The following GCNT1 variants were observed in gnomAD, a reference collection of about 807,000 sequenced individuals.
GCNT1 encodes the protein glucosaminyl (N-acetyl) transferase 1.
A neutral mutation model predicts 26.2 loss-of-function variants in GCNT1; 16 were observed. That is an observed-to-expected ratio of 0.61 (90% CI 0.41 to 0.93). The LOEUF (loss-of-function observed/expected upper bound fraction) is 0.93. GCNT1 is among the 40% of genes least tolerant of loss of function. GCNT1 has a pLI of 0.00. For missense variants in GCNT1, 477 were observed against 526.7 expected, an observed-to-expected ratio of 0.91 and a Z score of 0.92; for synonymous variants, 183 against 190.8, an observed-to-expected ratio of 0.96 and a Z score of 0.34.
intron 2 of GCNT1, among the ~76,000 whole-genome samples, chr9:76,470,617 A>G (rs1468835179): frequency 6.6e-6 from 1 of 151,964 alleles, no homozygotes; most frequent in Non-Finnish European, 1.5e-5. Flanking sequence ...AAAAAAAAAA[A>G]AAAAAAATGC....
At chr9:76,430,414 C>T (rs986942091) in intron 1 of GCNT1, among the ~76,000 whole-genome samples, 23 of 152,104 alleles carry the variant, frequency 1.5e-4, no homozygotes, top group African/African-American at 5.3e-4. Flanking sequence ...CAGGGTTTCA[C>T]TCTGTTGCCC....
chr9:76,419,811 G>A (rs972100670), upstream of GCNT1: 3 of 152,168 alleles, frequency 2.0e-5, no homozygotes, highest in African/African-American at 7.2e-5. Flanking sequence ...TACTAAATAA[G>A]TTGAGCAGCC....
intron 1 of GCNT1, among the ~76,000 whole-genome samples, chr9:76,432,417 A>T (rs2131577359): frequency 6.6e-6 from 1 of 152,242 alleles, no homozygotes; most frequent in East Asian, 1.9e-4. Context: ...ATCATGGCTC[A>T]CTGCAGTCTC....
At chr9:76,397,483 A>G in the GCNT1 span, among the ~76,000 whole-genome samples, 1 of 149,696 alleles carries the variant, frequency 6.7e-6, no homozygotes, top group East Asian at 2.0e-4. Context: ...TCACTCTGTC[A>G]CTCAGGTTGG....
chr9:76,481,057 G>T (rs1196539557), intron 2 of GCNT1, among the ~76,000 whole-genome samples: 4 of 152,092 alleles, frequency 2.6e-5, no homozygotes, highest in African/African-American at 7.2e-5. Context: ...TGGCTAACAT[G>T]GTGAAACCCC....
chr9:76,503,419 C>T lies in GCNT1; in HGVS notation c.1038C>T (p.Asp346=), dbSNP rs758154602. 5.0e-6 allele frequency: 8 copies of T among 1,614,170 alleles called. No individual in the cohort carries two copies. The highest frequency in any genetic ancestry group is 1.7e-5 in the Admixed American group (1 of 60,010). ...CCAGCCATAAGTATGATCTGTCTGA[C>T]ATGCAAGCAGTTGCCAGGTTTGTCA... The part of the protein sequence containing the change: ...LPASHKYDLS[D]MQAVARFVKW... Residue 346 remains aspartate, a synonymous_variant, in exon 4 of 4, where the codon GAC becomes GAT. Coordinates refer to ENST00000376730, the MANE Select transcript of GCNT1 (RefSeq NM_001490.5).
upstream of GCNT1, among the ~76,000 whole-genome samples, chr9:76,415,161 G>C (rs1823121867): frequency 6.6e-6 from 1 of 152,054 alleles, no homozygotes; most frequent in African/African-American, 2.4e-5. Context: ...AGGCTCAGGT[G>C]ATACTTCCAC....
chr9:76,447,857 C>T (rs920968525), intron 1 of GCNT1, among the ~76,000 whole-genome samples: 4 of 152,222 alleles, frequency 2.6e-5, no homozygotes, highest in Non-Finnish European at 4.4e-5. Flanking sequence ...GTGTCCAGTA[C>T]GCCCTGACCC....
At chr9:76,436,847 G>A (rs1337505732), upstream of GCNT1, among the ~76,000 whole-genome samples, 9 of 152,100 alleles carry the variant, frequency 5.9e-5, no homozygotes, top group Admixed American at 5.9e-4. Flanking sequence ...TGAGGTAAGA[G>A]AGATTGTCAG....
chr9:76,451,952 T>TC (rs1475030858), intron 1 of GCNT1, among the ~76,000 whole-genome samples: 2 of 85,848 alleles, frequency 2.3e-5, no homozygotes, highest in Non-Finnish European at 4.9e-5. Context: ...TTCTTTCTTT[T>TC]TTTTTTTTTT....
At position 76,459,183 on chromosome 9, in the gene GCNT1, C is replaced by T. The variant is rs1325995088; in HGVS notation, c.-530C>T. On this transcript the variant is annotated 5_prime_UTR_variant, in exon 1 of 4. It adds an upstream start codon to the 5' untranslated region. Transcript: ENST00000376730. Reference sequence around the variant, plus strand: ...CTGGGGGCGGCCCCGGGGCGGGCCACGCTGGTGTGAGGGCTGCAGGCGCAG... The same window carrying T: ...CTGGGGGCGGCCCCGGGGCGGGCCATGCTGGTGTGAGGGCTGCAGGCGCAG... 1 of 152,332 alleles carries T rather than the reference C, an allele frequency of 6.6e-6. No individual in the cohort carries two copies. Among genetic ancestry groups the T allele is most frequent in the African/African-American group, 2.4e-5 (1 of 41,422 alleles). 9.4% of individuals were successfully genotyped at this position (152,332 alleles called of 1,614,324 possible).
chr9:76,489,171 T>A (rs1277481975), intron 2 of GCNT1, among the ~76,000 whole-genome samples: 2 of 152,170 alleles, frequency 1.3e-5, no homozygotes, highest in Non-Finnish European at 2.9e-5. Flanking sequence ...AGCCTCTATC[T>A]AGAGAGCACA....
In GCNT1 at chr9:76,426,174, T is replaced by A. The variant is rs140383393; in HGVS notation, n.38+6287T>A. On this transcript the variant is annotated intron_variant and non_coding_transcript_variant, in intron 1 of 3. Transcript: ENST00000488136. ...TTTCAAACTTAAACAATAAACTAAG[T>A]TCTCCCCAAAGTTAGTTCGTCCTGC... 2.6e-3 allele frequency among the ~76,000 whole-genome samples: 400 copies of A among 152,288 alleles called. 1 individual carries two copies. The highest frequency in any genetic ancestry group is 9.3e-3 in the African/African-American group (386 of 41,556).
chr9:76,487,291 A>T (rs575967926), intron 2 of GCNT1, among the ~76,000 whole-genome samples: 2 of 152,042 alleles, frequency 1.3e-5, no homozygotes, highest in Non-Finnish European at 2.9e-5. Flanking sequence ...GTCCTCCGAG[A>T]TACTGGCATG....
chr9:76,403,039 A>G, the GCNT1 span, among the ~76,000 whole-genome samples: 1 of 152,174 alleles, frequency 6.6e-6, no homozygotes, highest in Non-Finnish European at 1.5e-5. Flanking sequence ...GTACTAATAA[A>G]CAATTCTTAT....
the GCNT1 span, chr9:76,394,254 AC>A: frequency 7.1e-7 from 1 of 1,403,704 alleles, no homozygotes. Context: ...CAGACCCCGG[AC>A]CAGCCGGGGG....
upstream of GCNT1, among the ~76,000 whole-genome samples, chr9:76,456,504 C>T (rs1046524136): frequency 6.6e-6 from 1 of 152,210 alleles, no homozygotes; most frequent in African/African-American, 2.4e-5. Flanking sequence ...GTTACTCTCT[C>T]TCTGTTACTA....
At chr9:76,416,262 C>T (rs1423126416), upstream of GCNT1, among the ~76,000 whole-genome samples, 2 of 152,108 alleles carry the variant, frequency 1.3e-5, no homozygotes, top group Non-Finnish European at 2.9e-5. Flanking sequence ...AGATTATCTT[C>T]CCACTCCATC....
chr9:76,398,165 GA>G, the GCNT1 span, among the ~76,000 whole-genome samples: 1 of 152,150 alleles, frequency 6.6e-6, no homozygotes, highest in Non-Finnish European at 1.5e-5. Flanking sequence ...AGACTAAAGA[GA>G]AAGTAGAACT....
Sources: gnomAD v4.1 joint callset for allele counts (sites outside exome capture counted in the v4.1 genomes callset) on GRCh38, gnomAD v4.1.1 for gene constraint, MANE v1.5 for transcripts, NCBI Gene and HGNC (gene_info 2026-07-23, HGNC 2026-07-21) for gene names.